CTNNA2: variants seen among roughly 807,000 people sequenced by gnomAD.
CTNNA2 encodes catenin alpha 2.
A neutral mutation model predicts 101.0 loss-of-function variants in CTNNA2; 42 were observed. The observed-to-expected ratio is 0.42, with a 90% confidence interval of 0.32 to 0.54. CTNNA2 has a LOEUF of 0.54. Ranked by LOEUF, CTNNA2 falls within the 20% of genes least tolerant of loss-of-function variation. The probability of loss-of-function intolerance (pLI) is 0.14; values close to 1 mark genes in which losing one functional copy is unlikely to be tolerated. For synonymous variants in CTNNA2, 450 were observed against 456.4 expected (o/e 0.99, Z 0.18); for missense variants, 871 against 1,223.1 (o/e 0.71, Z 4.29).
At chr2:80,080,962 A>AG (rs896545604) in intron 7 of CTNNA2, among the ~76,000 whole-genome samples, 6 of 150,816 alleles carry the variant, frequency 4.0e-5, no homozygotes, top group Admixed American at 2.0e-4. Context: ...AAAAAAAAAA[A>AG]AAAAAAAAAA....
At chr2:80,406,332 C>A (rs1679054171) in intron 8 of CTNNA2, among the ~76,000 whole-genome samples, 1 of 140,828 alleles carries the variant, frequency 7.1e-6, no homozygotes, top group African/African-American at 3.0e-5. Flanking sequence ...AAAACTCCTT[C>A]TCGAAAAAAA....
chr2:79,959,533 A>G (rs150829807), intron 7 of CTNNA2, among the ~76,000 whole-genome samples: 2 of 152,282 alleles, frequency 1.3e-5, no homozygotes, highest in African/African-American at 4.8e-5. Context: ...CCTTGCCTCT[A>G]TGTGAAAATG....
intron 9 of CTNNA2, among the ~76,000 whole-genome samples, chr2:80,518,893 C>T (rs1689303954): frequency 2.6e-5 from 4 of 152,130 alleles, no homozygotes. Context: ...ATAGACTTAT[C>T]TGTGCATTTT....
At chr2:80,026,013 G>C (rs1694903734) in intron 7 of CTNNA2, among the ~76,000 whole-genome samples, 1 of 152,160 alleles carries the variant, frequency 6.6e-6, no homozygotes, top group Admixed American at 6.5e-5. Context: ...TACATAACAG[G>C]GATGTGTGTC....
At chr2:79,525,023 G>C (rs973711611) in intron 1 of CTNNA2, among the ~76,000 whole-genome samples, 1 of 151,658 alleles carries the variant, frequency 6.6e-6, no homozygotes, top group Non-Finnish European at 1.5e-5. Flanking sequence ...TTATGCTAAT[G>C]CCTGTGATAG....
intron 2 of CTNNA2, among the ~76,000 whole-genome samples, chr2:79,693,215 A>G (rs1684434173): frequency 6.6e-6 from 1 of 152,058 alleles, no homozygotes; most frequent in South Asian, 2.1e-4. Flanking sequence ...ATTAAAGTCA[A>G]TGCTTTGTGG....
intron 7 of CTNNA2, among the ~76,000 whole-genome samples, chr2:80,333,610 A>G (rs543573457): frequency 5.2e-4 from 79 of 152,188 alleles, no homozygotes; most frequent in African/African-American, 1.9e-3. Context: ...AAAGCCAGCC[A>G]CCACCTTTTT....
At chr2:79,439,179 A>G (rs1678750645) in intron 4 of CTNNA2, among the ~76,000 whole-genome samples, 1 of 152,234 alleles carries the variant, frequency 6.6e-6, no homozygotes, top group South Asian at 2.1e-4. Context: ...CTGTCCATCA[A>G]CTGACAAAAA....
intron 3 of CTNNA2, among the ~76,000 whole-genome samples, chr2:79,362,322 CAAAT>C (rs1463481930): frequency 6.6e-6 from 1 of 152,132 alleles, no homozygotes. Flanking sequence ...TTTAAATCAA[CAAAT>C]AAAAATTATA....
At chr2:79,593,115 A>C (rs1015258779) in intron 1 of CTNNA2, among the ~76,000 whole-genome samples, 4 of 152,198 alleles carry the variant, frequency 2.6e-5, no homozygotes, top group Non-Finnish European at 5.9e-5. Flanking sequence ...GTAAAATCCT[A>C]CTAGAACATT....
intron 7 of CTNNA2, among the ~76,000 whole-genome samples, chr2:79,949,791 A>G (rs777974376): frequency 9.8e-5 from 15 of 152,294 alleles, no homozygotes; most frequent in East Asian, 3.9e-4. Flanking sequence ...AAAAAAAAAC[A>G]TGGAGACTAA....
chr2:79,288,952 A>G (rs563481891), intron 2 of CTNNA2, among the ~76,000 whole-genome samples: 2 of 152,234 alleles, frequency 1.3e-5, no homozygotes, highest in South Asian at 4.1e-4. Context: ...AAAACAAGTC[A>G]CTTATTTGAT....
chr2:80,498,245 G>T (rs1333679522), intron 9 of CTNNA2, among the ~76,000 whole-genome samples: 5 of 152,140 alleles, frequency 3.3e-5, no homozygotes, highest in Non-Finnish European at 7.3e-5. Context: ...ACCAGTGGGA[G>T]CCCCTTTATA....
intron 7 of CTNNA2, among the ~76,000 whole-genome samples, chr2:80,034,135 A>T (rs973627561): frequency 6.6e-6 from 1 of 152,038 alleles, no homozygotes; most frequent in Non-Finnish European, 1.5e-5. Context: ...ACGGGGGAAC[A>T]TGTCAAAAGA....
intron 3 of CTNNA2, among the ~76,000 whole-genome samples, chr2:79,781,266 G>A (rs35695971): frequency 0.023 from 3,547 of 152,198 alleles, 144 homozygotes; most frequent in African/African-American, 0.079. Flanking sequence ...GTAGCAGTGA[G>A]GACGACCAGA....
At chr2:80,246,707 G>A (rs1671355465) in intron 7 of CTNNA2, among the ~76,000 whole-genome samples, 1 of 152,204 alleles carries the variant, frequency 6.6e-6, no homozygotes, top group Non-Finnish European at 1.5e-5. Flanking sequence ...CCTCTTGGGT[G>A]CATTAGGCAT....
chr2:80,328,248 T>C (rs1444940847), intron 7 of CTNNA2: 3 of 470,684 alleles, frequency 6.4e-6, no homozygotes, highest in Admixed American at 4.7e-5. Flanking sequence ...GGAAGCATGA[T>C]CAGTTCCTCA....
At chr2:79,350,316 T>C (rs1363823911) in intron 3 of CTNNA2, among the ~76,000 whole-genome samples, 1 of 152,118 alleles carries the variant, frequency 6.6e-6, no homozygotes. Context: ...TCCCAATGTC[T>C]GTTACTTCCA....
intron 9 of CTNNA2, among the ~76,000 whole-genome samples, chr2:80,503,606 C>T (rs753326022): frequency 6.6e-6 from 1 of 152,080 alleles, no homozygotes; most frequent in East Asian, 1.9e-4. Flanking sequence ...TCTTAGAGAC[C>T]TAATTCAGTG....
Sources: gnomAD v4.1 joint callset for allele counts (sites outside exome capture counted in the v4.1 genomes callset) on GRCh38, gnomAD v4.1.1 for gene constraint, MANE v1.5 for transcripts, NCBI Gene and HGNC (gene_info 2026-07-23, HGNC 2026-07-21) for gene names.